BICC1: variants seen among roughly 807,000 people sequenced by gnomAD.
BICC1 encodes the protein protein bicaudal C homolog 1.
BICC1 carries 43 observed loss-of-function variants against 111.0 expected under a neutral mutation model. The observed-to-expected ratio is 0.39, with a 90% confidence interval of 0.30 to 0.50. BICC1 has a LOEUF of 0.50. Ranked by LOEUF, BICC1 falls within the 20% of genes least tolerant of loss-of-function variation. BICC1 has a pLI of 0.88. For missense variants in BICC1, 1,091 were observed against 1,203.2 expected (o/e 0.91, Z 1.38); for synonymous variants, 467 against 434.4 (o/e 1.07, Z -0.93).
chr10:58,664,126 A>G (rs896765059), intron 2 of BICC1, among the ~76,000 whole-genome samples: 2 of 152,168 alleles, frequency 1.3e-5, no homozygotes, highest in African/African-American at 4.8e-5. Context: ...TTCACTTTCT[A>G]AGAAAGTGCC....
chr10:58,818,104 G>T (rs1463968546), intron 19 of BICC1, among the ~76,000 whole-genome samples: 2 of 152,098 alleles, frequency 1.3e-5, no homozygotes, highest in Non-Finnish European at 2.9e-5. Flanking sequence ...GCACTTAAAA[G>T]TAAATAACAG....
At chr10:58,736,660 A>T in intron 3 of BICC1, among the ~76,000 whole-genome samples, 1 of 152,212 alleles carries the variant, frequency 6.6e-6, no homozygotes, top group East Asian at 1.9e-4. Flanking sequence ...AAGTAAACAA[A>T]TTTTAAAGTT....
rs939989653 is a variant in BICC1 at position 58,796,457 on chromosome 10, T to G, written c.1297T>G (p.Cys433Gly). The change falls in exon 10 of 21, where the codon TGC becomes GGC. Residue 433 changes from cysteine (C) to glycine (G), a missense_variant. Coordinates refer to ENST00000373886, the MANE Select transcript of BICC1 (RefSeq NM_001080512.3). ...TIATSPSPAS[C>G]PAGLACPSLD... Reference sequence around the variant, plus strand: ...AGCAACCAGTCCATCCCCAGCATCCTGCCCTGCCGGCCTGGCATGTCCCAG... The same window carrying G: ...AGCAACCAGTCCATCCCCAGCATCCGGCCCTGCCGGCCTGGCATGTCCCAG... 15 of 1,614,052 alleles carry G rather than the reference T, an allele frequency of 9.3e-6. No individual in the cohort carries two copies. The highest frequency in any genetic ancestry group is 2.7e-5 in the African/African-American group (2 of 74,950).
chr10:58,811,441 A>G (rs1035117170), intron 17 of BICC1, among the ~76,000 whole-genome samples: 4 of 152,256 alleles, frequency 2.6e-5, no homozygotes, highest in African/African-American at 4.8e-5. Flanking sequence ...TATCAAAGAT[A>G]TACAAATAAT....
chr10:58,722,108 A>G (rs1564574586), intron 3 of BICC1, among the ~76,000 whole-genome samples: 1 of 152,210 alleles, frequency 6.6e-6, no homozygotes, highest in Non-Finnish European at 1.5e-5. Flanking sequence ...AACACTCAGC[A>G]CTTGATGGAG....
At chr10:58,637,717 G>A (rs1370951325) in intron 2 of BICC1, among the ~76,000 whole-genome samples, 1 of 152,192 alleles carries the variant, frequency 6.6e-6, no homozygotes, top group Non-Finnish European at 1.5e-5. Context: ...TTGAATGCAG[G>A]GCACTGTGTT....
intron 1 of BICC1, among the ~76,000 whole-genome samples, chr10:58,579,181 T>C (rs1189015174): frequency 6.6e-6 from 1 of 152,156 alleles, no homozygotes; most frequent in Non-Finnish European, 1.5e-5. Context: ...TGCAACGCTG[T>C]CACCTTGGGT....
intron 3 of BICC1, among the ~76,000 whole-genome samples, chr10:58,743,354 T>C (rs1841729644): frequency 6.6e-6 from 1 of 152,112 alleles, no homozygotes; most frequent in Non-Finnish European, 1.5e-5. Flanking sequence ...GTTTATCTTG[T>C]AGGCCAATGA....
intron 2 of BICC1, among the ~76,000 whole-genome samples, chr10:58,700,963 C>A (rs938265751): frequency 1.3e-5 from 2 of 152,160 alleles, no homozygotes; most frequent in African/African-American, 4.8e-5. Context: ...CAAAATGCAT[C>A]TGTGGGCTTA....
rs556302510 is a variant in BICC1, at chr10:58,813,517, T to C, written c.2377-313T>C. Reference sequence around the variant, plus strand: ...TTTTGGTCTCCAAAATTGGAAGGAGTCTCAGCATCCACTCTTCCAAATTTT... The same window carrying C: ...TTTTGGTCTCCAAAATTGGAAGGAGCCTCAGCATCCACTCTTCCAAATTTT... On this transcript the variant is annotated intron_variant, in intron 17 of 20. Coordinates refer to ENST00000373886, the MANE Select transcript of BICC1 (RefSeq NM_001080512.3). 4.7e-4 allele frequency among the ~76,000 whole-genome samples: 72 copies of C among 152,088 alleles called. 1 individual carries two copies. Among genetic ancestry groups the C allele is most frequent in the African/African-American group, 1.7e-3 (69 of 41,482 alleles).
intron 2 of BICC1, among the ~76,000 whole-genome samples, chr10:58,627,799 CAG>C (rs1307670617): frequency 6.6e-6 from 1 of 152,024 alleles, no homozygotes; most frequent in Non-Finnish European, 1.5e-5. Flanking sequence ...AGAACATTAT[CAG>C]AGATGTGTCT....
intron 3 of BICC1, among the ~76,000 whole-genome samples, chr10:58,756,863 A>T (rs950441428): frequency 2.6e-5 from 4 of 152,192 alleles, no homozygotes; most frequent in Non-Finnish European, 5.9e-5. Context: ...TATGCTGTCC[A>T]AAACTCAGGG....
chr10:58,648,147 C>T (rs1838326127), intron 2 of BICC1, among the ~76,000 whole-genome samples: 1 of 152,216 alleles, frequency 6.6e-6, no homozygotes, highest in Admixed American at 6.5e-5. Context: ...GGCCATTAGG[C>T]ATAAGTAAGG....
rs201924965 is a variant in BICC1 at position 58,828,924 on chromosome 10, C to T, written c.*33C>T. 1.4e-5 allele frequency: 23 copies of T among 1,612,098 alleles called. No homozygotes were observed. The highest frequency in any genetic ancestry group is 3.4e-4 in the Middle Eastern group (2 of 5,930). On this transcript the variant is annotated 3_prime_UTR_variant, in exon 21 of 21. Coordinates refer to ENST00000373886, the MANE Select transcript of BICC1 (RefSeq NM_001080512.3). ...CTCTTGGCACATGCCCGCTGACTAA[C>T]TGTAAAGTGGACACAGGAGATGTAT...
intron 1 of BICC1, among the ~76,000 whole-genome samples, chr10:58,597,518 C>T (rs956241650): frequency 6.6e-6 from 1 of 152,092 alleles, no homozygotes; most frequent in Non-Finnish European, 1.5e-5. Flanking sequence ...ACATCTTAAA[C>T]AGCAGAAAAC....
chr10:58,779,771 G>A (rs1842837296), intron 3 of BICC1, among the ~76,000 whole-genome samples: 1 of 152,142 alleles, frequency 6.6e-6, no homozygotes, highest in South Asian at 2.1e-4. Context: ...CCACGTTAAA[G>A]GCATTAAAAA....
intron 2 of BICC1, among the ~76,000 whole-genome samples, chr10:58,687,033 G>C (rs1839754430): frequency 6.6e-6 from 1 of 152,220 alleles, no homozygotes; most frequent in South Asian, 2.1e-4. Context: ...TGATGATGGT[G>C]ATGTACAGAT....
At chr10:58,671,798 C>T (rs1464116079) in intron 2 of BICC1, among the ~76,000 whole-genome samples, 2 of 152,164 alleles carry the variant, frequency 1.3e-5, no homozygotes, top group Non-Finnish European at 2.9e-5. Context: ...TGCACTCACT[C>T]TTCCATGTAA....
intron 2 of BICC1, among the ~76,000 whole-genome samples, chr10:58,683,119 G>A (rs1345124325): frequency 1.3e-5 from 2 of 152,120 alleles, no homozygotes; most frequent in East Asian, 1.9e-4. Flanking sequence ...AGTTTTCCCA[G>A]CACCATTTAT....
Sources: allele counts gnomAD v4.1 joint callset (sites outside exome capture counted in the v4.1 genomes callset), GRCh38; gene constraint gnomAD v4.1.1; transcripts MANE v1.5; gene names NCBI Gene and HGNC (gene_info 2026-07-23, HGNC 2026-07-21).